PSPC1: variants seen among roughly 807,000 people sequenced by gnomAD.
The protein encoded by PSPC1 is paraspeckle protein 1.
PSPC1 carries 14 observed loss-of-function variants against 51.6 expected under a neutral mutation model. The observed-to-expected ratio is 0.27, with a 90% confidence interval of 0.18 to 0.42. The LOEUF (loss-of-function observed/expected upper bound fraction) is 0.42, where lower values mean the gene tolerates loss of function less well. PSPC1 is among the 10% of genes least tolerant of loss of function. The pLI is 1.00. For missense variants in PSPC1, 406 were observed against 701.1 expected, an observed-to-expected ratio of 0.58 and a Z score of 4.75; for synonymous variants, 193 against 231.9, an observed-to-expected ratio of 0.83 and a Z score of 1.53.
chr13:19,675,097 C>G (rs1008239051), intron 7 of PSPC1: 2 of 152,854 alleles, frequency 1.3e-5, no homozygotes, highest in Non-Finnish European at 2.9e-5. Flanking sequence ...GTGACGCCAC[C>G]ACGCATCCCC....
intron 3 of PSPC1, among the ~76,000 whole-genome samples, chr13:19,753,083 C>T (rs1364130936): frequency 6.6e-6 from 1 of 151,646 alleles, no homozygotes; most frequent in African/African-American, 2.4e-5. Context: ...GAGTTCAAGA[C>T]CAGCCTGGCC....
At chr13:19,770,477 T>C (rs917281642) in intron 2 of PSPC1, among the ~76,000 whole-genome samples, 2 of 151,988 alleles carry the variant, frequency 1.3e-5, no homozygotes, top group Non-Finnish European at 2.9e-5. Flanking sequence ...CTGGCCAACA[T>C]GGTGAAACCC....
intron 1 of PSPC1, among the ~76,000 whole-genome samples, chr13:19,773,440 G>T (rs1023637389): frequency 6.6e-6 from 1 of 151,504 alleles, no homozygotes; most frequent in East Asian, 2.0e-4. Flanking sequence ...TAGTAGAGAC[G>T]GGGTTTCACC....
intron 2 of PSPC1, among the ~76,000 whole-genome samples, chr13:19,771,358 G>A (rs1253589937): frequency 6.6e-6 from 1 of 152,006 alleles, no homozygotes; most frequent in Non-Finnish European, 1.5e-5. Flanking sequence ...GGCTGGTCTC[G>A]AACTCCTGAG....
downstream of PSPC1, chr13:19,672,010 T>G (rs988754668): frequency 1.2e-6 from 1 of 857,706 alleles, no homozygotes; most frequent in Admixed American, 2.2e-5. Flanking sequence ...TGTTGTCTGT[T>G]GTAGTCTGTA....
chr13:19,714,408 G>C (rs1161470997), intron 6 of PSPC1, among the ~76,000 whole-genome samples: 3 of 151,468 alleles, frequency 2.0e-5, no homozygotes, highest in Admixed American at 6.6e-5. Flanking sequence ...CAATGCATCA[G>C]TATTTTTCTT....
chr13:19,776,302 A>C (rs549355395), intron 1 of PSPC1, among the ~76,000 whole-genome samples: 1 of 152,082 alleles, frequency 6.6e-6, no homozygotes, highest in South Asian at 2.1e-4. Flanking sequence ...TTGTCTCTAC[A>C]AAAAATAAAC....
rs540487727 is a variant in PSPC1, at chr13:19,775,386, A to T, written c.373-2843T>A. Among the ~76,000 whole-genome samples, 3 of 152,178 alleles carry T rather than the reference A, an allele frequency of 2.0e-5. No homozygotes were observed. In the South Asian group the frequency reaches 6.2e-4, roughly 32 times the overall value. On this transcript the variant is annotated intron_variant, in intron 1 of 8. Transcript: ENST00000338910. ...AATAGACAAAAAAAAAAAATAAACC[A>T]AATAATACAGCATAACAGCTATTCA...
chr13:19,781,812 G>C (rs1214920249), intron 1 of PSPC1, among the ~76,000 whole-genome samples: 1 of 152,158 alleles, frequency 6.6e-6, no homozygotes, highest in Non-Finnish European at 1.5e-5. Context: ...AAGAAATAAA[G>C]TGGTCTACCC....
chr13:19,769,531 G>A (rs947100724), intron 2 of PSPC1, among the ~76,000 whole-genome samples: 6 of 149,750 alleles, frequency 4.0e-5, no homozygotes, highest in Admixed American at 2.0e-4. Flanking sequence ...CCGGCCTGGG[G>A]GACAGAGCGA....
downstream of PSPC1, among the ~76,000 whole-genome samples, chr13:19,701,204 C>A: frequency 6.6e-6 from 1 of 150,700 alleles, no homozygotes; most frequent in Admixed American, 6.6e-5. Context: ...AATTTCACAG[C>A]CTTGGCCAAA....
intron 5 of PSPC1, among the ~76,000 whole-genome samples, chr13:19,734,909 T>C (rs1884584349): frequency 7.3e-6 from 1 of 136,592 alleles, no homozygotes; most frequent in Admixed American, 7.3e-5. Context: ...ACCTGGGAAG[T>C]GGAGGTTGCC....
At chr13:19,687,859 G>A (rs1878101556) in intron 6 of PSPC1, among the ~76,000 whole-genome samples, 1 of 152,036 alleles carries the variant, frequency 6.6e-6, no homozygotes, top group Admixed American at 6.5e-5. Context: ...ATCTCCTAAC[G>A]ATTTTTGGAG....
intron 4 of PSPC1, among the ~76,000 whole-genome samples, chr13:19,741,907 G>A (rs1359621449): frequency 2.6e-5 from 4 of 152,100 alleles, no homozygotes; most frequent in South Asian, 2.1e-4. Context: ...CAAGGCAGGC[G>A]TATCACTCGA....
At chr13:19,693,261 A>G (rs1190665501) in intron 6 of PSPC1, among the ~76,000 whole-genome samples, 2 of 152,178 alleles carry the variant, frequency 1.3e-5, no homozygotes, top group Non-Finnish European at 2.9e-5. Flanking sequence ...TCTTAGTGAA[A>G]TCTTCCCAGT....
chr13:19,724,686 C>T (rs188680263), intron 6 of PSPC1, among the ~76,000 whole-genome samples: 1 of 152,272 alleles, frequency 6.6e-6, no homozygotes, highest in African/African-American at 2.4e-5. Context: ...AACCCCATCT[C>T]TACCAAAAAT....
chr13:19,730,961 A>AAAAAAAAAAAAAC (rs1441202332), intron 5 of PSPC1, among the ~76,000 whole-genome samples: 11 of 23,510 alleles, frequency 4.7e-4, no homozygotes, highest in Non-Finnish European at 1.5e-3. Context: ...AAAAAACAAA[A>AAAAAAAAAAAAAC]AAACAAAAAA....
chr13:19,767,242 A>G (rs1016557448), intron 2 of PSPC1, among the ~76,000 whole-genome samples: 3 of 152,168 alleles, frequency 2.0e-5, no homozygotes, highest in African/African-American at 7.2e-5. Context: ...CTAAGGAAAG[A>G]GAATAAGAGC....
intron 5 of PSPC1, among the ~76,000 whole-genome samples, chr13:19,732,867 C>A (rs1209844076): frequency 6.7e-6 from 1 of 149,334 alleles, no homozygotes; most frequent in Non-Finnish European, 1.5e-5. Context: ...GCGGAGGTTG[C>A]AGAGAGCTGA....
Sources: allele counts gnomAD v4.1 joint callset (sites outside exome capture counted in the v4.1 genomes callset), GRCh38; gene constraint gnomAD v4.1.1; transcripts MANE v1.5; gene names NCBI Gene and HGNC (gene_info 2026-07-23, HGNC 2026-07-21).